Variants in PTPRD observed in about 807,000 individuals in gnomAD.
PTPRD encodes protein tyrosine phosphatase receptor type D, also known as receptor-type tyrosine-protein phosphatase delta.
In PTPRD, 34 loss-of-function variants were observed where a neutral mutation model predicts 214.5. The observed-to-expected ratio is 0.16, with a 90% CI of 0.12 to 0.21. The LOEUF is 0.21. Among genes scored for constraint, PTPRD ranks in the 10% least tolerant of loss-of-function variants. The probability of loss-of-function intolerance (pLI) is 1.00; values close to 1 mark genes in which losing one functional copy is unlikely to be tolerated. For missense variants in PTPRD, 2,545 were observed against 2,398.7 expected (o/e 1.06, Z -1.27); for synonymous variants, 1,128 against 845.7 (o/e 1.33, Z -5.79).
chr9:8,392,511 A>G (rs1363646373), intron 36 of PTPRD, among the ~76,000 whole-genome samples: 1 of 152,146 alleles, frequency 6.6e-6, no homozygotes, highest in Non-Finnish European at 1.5e-5. Flanking sequence ...TGGGCGACAG[A>G]GCAAGACTCT....
At chr9:9,927,343 T>C (rs62536887) in intron 5 of PTPRD, among the ~76,000 whole-genome samples, 5,840 of 152,232 alleles carry the variant, frequency 0.038, 138 homozygotes, top group Non-Finnish European at 0.056. Context: ...CCCTTTATTA[T>C]GAAAGCATTG....
chr9:10,564,168 A>ACTCTTTTTTTTTTT (rs2064896205), intron 2 of PTPRD, among the ~76,000 whole-genome samples: 26 of 11,850 alleles, frequency 2.2e-3, no homozygotes, highest in Non-Finnish European at 3.9e-3. Context: ...ACACTAGGCT[A>ACTCTTTTTTTTTTT]TTCTTTTTTT....
At chr9:8,793,645 A>G (rs931283650) in intron 11 of PTPRD, among the ~76,000 whole-genome samples, 1 of 152,242 alleles carries the variant, frequency 6.6e-6, no homozygotes, top group Non-Finnish European at 1.5e-5. Context: ...TGCATTCAGA[A>G]CACTTTTGTT....
chr9:10,272,274 T>C (rs62541414), intron 3 of PTPRD, among the ~76,000 whole-genome samples: 26,399 of 152,218 alleles, frequency 0.17, 2,360 homozygotes, highest in African/African-American at 0.21. Context: ...TCTTGTAACA[T>C]GTATCAGCAC....
intron 2 of PTPRD, among the ~76,000 whole-genome samples, chr9:10,341,852 T>G (rs564504576): frequency 1.3e-3 from 190 of 151,272 alleles, no homozygotes; most frequent in African/African-American, 4.5e-3. Context: ...CCCTCTCCTT[T>G]TATGTAGTTC....
At chr9:10,132,191 A>C (rs887139168) in intron 3 of PTPRD, among the ~76,000 whole-genome samples, 1 of 152,134 alleles carries the variant, frequency 6.6e-6, no homozygotes, top group Non-Finnish European at 1.5e-5. Flanking sequence ...TTAAAAAAAA[A>C]CTGTACACAG....
At chr9:8,391,986 G>C (rs572669190) in intron 36 of PTPRD, among the ~76,000 whole-genome samples, 3 of 152,122 alleles carry the variant, frequency 2.0e-5, no homozygotes, top group Admixed American at 6.6e-5. Flanking sequence ...GGAGGGGGTA[G>C]GCTGCTACTG....
At chr9:10,495,059 CAT>C (rs1219156403) in intron 2 of PTPRD, among the ~76,000 whole-genome samples, 1 of 151,654 alleles carries the variant, frequency 6.6e-6, no homozygotes, top group African/African-American at 2.4e-5. Context: ...ACATTTATCA[CAT>C]GATTTTTATT....
rs7870834 is a variant in PTPRD at position 9,463,324 on chromosome 9, C to T, written c.-236-65842G>A. ...ACAACAAAACAGCAAGGACAGGCTA[C>T]ATTAACCAAATCTAGACTCCTTCAC... On this transcript the variant is annotated intron_variant, in intron 8 of 45. Transcript: ENST00000381196. Among the ~76,000 whole-genome samples, 1,126 of 152,166 alleles carry T rather than the reference C, an allele frequency of 7.4e-3. 11 individuals are homozygous for T. Among genetic ancestry groups the T allele is most frequent in the African/African-American group, 0.026 (1,088 of 41,524 alleles).
intron 3 of PTPRD, among the ~76,000 whole-genome samples, chr9:10,167,481 G>A (rs76728078): frequency 0.021 from 3,173 of 152,218 alleles, 66 homozygotes; most frequent in African/African-American, 0.054. Flanking sequence ...GAGATCCACA[G>A]TCCTCTTCAG....
In PTPRD at chr9:9,570,793, G is replaced by GA. The variant is rs1250367958; in HGVS notation, c.-237+3938dup. Among the ~76,000 whole-genome samples, 6 of 151,302 alleles carry GA rather than the reference G, an allele frequency of 4.0e-5. No individual in the cohort carries two copies. The South Asian group carries it at 6.2e-4, about 16-fold the overall frequency. On this transcript the variant is annotated intron_variant, in intron 8 of 45. Coordinates refer to ENST00000381196, the MANE Select transcript of PTPRD (RefSeq NM_002839.4). The stretch of plus-strand genomic sequence containing the variant: ...CCTAAAACAGGCAAGAAAGCAGAAA[G>GA]AAAAAAACAGGCAACCAAAATCTTC...
At chr9:9,513,090 C>T (rs968108252) in intron 8 of PTPRD, among the ~76,000 whole-genome samples, 2 of 151,972 alleles carry the variant, frequency 1.3e-5, no homozygotes, top group East Asian at 3.9e-4. Context: ...CAGAGGGACT[C>T]ATCTTCTAAC....
intron 2 of PTPRD, among the ~76,000 whole-genome samples, chr9:10,429,717 G>T (rs971832964): frequency 2.0e-5 from 3 of 151,114 alleles, no homozygotes; most frequent in South Asian, 2.1e-4. Context: ...TATAATGATA[G>T]ATAATGAAGA....
At chr9:9,541,260 A>T (rs574635231) in intron 8 of PTPRD, among the ~76,000 whole-genome samples, 128 of 151,798 alleles carry the variant, frequency 8.4e-4, no homozygotes, top group South Asian at 1.9e-3. Context: ...ATCTTTTTGG[A>T]ACACTCCCTA....
intron 11 of PTPRD, among the ~76,000 whole-genome samples, chr9:8,926,929 AATG>A (rs748481356): frequency 6.6e-6 from 1 of 152,174 alleles, no homozygotes; most frequent in Non-Finnish European, 1.5e-5. Flanking sequence ...CCCAGGGAAT[AATG>A]ATGAGTCAGT....
At chr9:9,791,810 A>C (rs549809441) in intron 5 of PTPRD, among the ~76,000 whole-genome samples, 1 of 152,176 alleles carries the variant, frequency 6.6e-6, no homozygotes, top group South Asian at 2.1e-4. Context: ...GCTTATGGGA[A>C]GTTATAAGCT....
At chr9:9,530,576 A>T (rs1302070098) in intron 8 of PTPRD, among the ~76,000 whole-genome samples, 2 of 152,266 alleles carry the variant, frequency 1.3e-5, no homozygotes, top group African/African-American at 2.4e-5. Flanking sequence ...TCTGCATCCC[A>T]TGTTTATTGC....
intron 2 of PTPRD, among the ~76,000 whole-genome samples, chr9:10,568,933 A>C (rs1313733475): frequency 3.3e-5 from 5 of 152,166 alleles, no homozygotes; most frequent in East Asian, 1.9e-4. Context: ...GGATCTAATT[A>C]AACTAAAGAG....
At chr9:9,306,544 A>G (rs1957195861) in intron 9 of PTPRD, among the ~76,000 whole-genome samples, 1 of 130,552 alleles carries the variant, frequency 7.7e-6, no homozygotes, top group South Asian at 2.6e-4. Context: ...CGTCTGGGCG[A>G]CAGAGTGAGA....
Sources: allele counts gnomAD v4.1 joint callset (sites outside exome capture counted in the v4.1 genomes callset), GRCh38; gene constraint gnomAD v4.1.1; transcripts MANE v1.5; gene names NCBI Gene and HGNC (gene_info 2026-07-23, HGNC 2026-07-21).